SOX6: variants seen among roughly 807,000 people sequenced by gnomAD.
The protein encoded by SOX6 is SRY-box transcription factor 6.
A neutral mutation model predicts 97.8 loss-of-function variants in SOX6; 11 were observed. The observed-to-expected ratio is 0.11, with a 90% CI of 0.07 to 0.19. SOX6 has a LOEUF of 0.19. Ranked by LOEUF, SOX6 falls within the 10% of genes least tolerant of loss-of-function variation. SOX6 has a pLI of 1.00. For synonymous variants in SOX6, 360 were observed against 371.4 expected (o/e 0.97, Z 0.35); for missense variants, 810 against 1,039.5 (o/e 0.78, Z 3.04).
chr11:16,246,200 T>C (rs989564775), intron 3 of SOX6, among the ~76,000 whole-genome samples: 2 of 151,552 alleles, frequency 1.3e-5, no homozygotes, highest in African/African-American at 4.8e-5. Flanking sequence ...TTTGTATTAT[T>C]GCTGTCATAG....
chr11:16,469,006 A>G (rs1257648130), intron 1 of SOX6, among the ~76,000 whole-genome samples: 1 of 152,122 alleles, frequency 6.6e-6, no homozygotes, highest in Non-Finnish European at 1.5e-5. Flanking sequence ...GAAATTACCA[A>G]ATGTGCTGTG....
At chr11:16,372,653 A>G (rs890912508) in intron 1 of SOX6, among the ~76,000 whole-genome samples, 26 of 152,120 alleles carry the variant, frequency 1.7e-4, no homozygotes, top group African/African-American at 6.0e-4. Flanking sequence ...AAGCTAGAAC[A>G]CTGATTTTTC....
At chr11:16,018,187 C>T (rs958713744) in intron 12 of SOX6, among the ~76,000 whole-genome samples, 4 of 152,076 alleles carry the variant, frequency 2.6e-5, no homozygotes, top group African/African-American at 4.8e-5. Context: ...AGCCACAAGA[C>T]GGTAGCATCC....
intron 4 of SOX6, among the ~76,000 whole-genome samples, chr11:16,215,692 C>T (rs1852353400): frequency 6.6e-6 from 1 of 151,888 alleles, no homozygotes; most frequent in South Asian, 2.1e-4. Flanking sequence ...GATCCTCAAA[C>T]CTGAAAAATT....
chr11:16,671,304 T>TGAAATGGCA (rs1847846043), intron 3 of SOX6, among the ~76,000 whole-genome samples: 1 of 152,096 alleles, frequency 6.6e-6, no homozygotes, highest in Non-Finnish European at 1.5e-5. Flanking sequence ...CTGAGCTGGC[T>TGAAATGGCA]GAAATGGCAG....
At chr11:16,251,737 G>A (rs1339391370) in intron 3 of SOX6, among the ~76,000 whole-genome samples, 1 of 151,626 alleles carries the variant, frequency 6.6e-6, no homozygotes, top group Non-Finnish European at 1.5e-5. Context: ...GCCAAATATC[G>A]ACAGGGACAT....
chr11:16,511,963 C>T (rs1369725135), intron 4 of SOX6, among the ~76,000 whole-genome samples: 1 of 152,120 alleles, frequency 6.6e-6, no homozygotes, highest in Non-Finnish European at 1.5e-5. Context: ...AAGAGGAAAG[C>T]AATAAGCATG....
chr11:16,296,989 G>C (rs1807154), intron 3 of SOX6, among the ~76,000 whole-genome samples: 59,101 of 151,600 alleles, frequency 0.39, 11,991 homozygotes, highest in African/African-American at 0.49. Context: ...TTCTCAATAA[G>C]AAGAAGGAAT....
chr11:16,565,794 T>C (rs1411105169), intron 4 of SOX6, among the ~76,000 whole-genome samples: 1 of 147,938 alleles, frequency 6.8e-6, no homozygotes, highest in Non-Finnish European at 1.5e-5. Flanking sequence ...GCAGTAAATA[T>C]CAATTGAAAT....
intron 6 of SOX6, among the ~76,000 whole-genome samples, chr11:16,113,383 C>T (rs1849274355): frequency 6.6e-6 from 1 of 152,190 alleles, no homozygotes; most frequent in Admixed American, 6.5e-5. Flanking sequence ...CTATTTCTTC[C>T]ATTTTAGCTG....
intron 4 of SOX6, 75 bp downstream of exon 4, chr11:16,234,507 G>T: frequency 1.2e-6 from 1 of 848,412 alleles, no homozygotes; most frequent in Non-Finnish European, 1.9e-6. Flanking sequence ...CAGTACAGAA[G>T]ATCAGCAAAT....
At chr11:15,974,529 A>C (rs538570547) in intron 15 of SOX6, among the ~76,000 whole-genome samples, 2 of 133,580 alleles carry the variant, frequency 1.5e-5, no homozygotes, top group Admixed American at 7.3e-5. Context: ...TCCCAATGCT[A>C]TCCCTCCCCC....
chr11:16,523,189 G>C (rs1182093891), intron 4 of SOX6, among the ~76,000 whole-genome samples: 1 of 151,766 alleles, frequency 6.6e-6, no homozygotes, highest in Admixed American at 6.6e-5. Flanking sequence ...TTTTTTTTCA[G>C]CACCACACCA....
rs1353196207 is a variant in SOX6 at position 15,969,281 on chromosome 11, C to T, written c.*3528G>A. 3 of 152,112 alleles carry T rather than the reference C, an allele frequency of 2.0e-5. No individual in the cohort carries two copies. Among genetic ancestry groups the T allele is most frequent in the Non-Finnish European group, 4.4e-5 (3 of 68,020 alleles). The allele number at this position is 152,112 out of a possible 1,614,324, so 9.4% of individuals were successfully genotyped here. ...ACTGACATGACGGGACGTTTATTAA[C>T]GGCCGATCTCAGAGGTGGATTTTTG... is the stretch of plus-strand genomic sequence containing the variant. On this transcript the variant is annotated 3_prime_UTR_variant, in exon 16 of 16. Coordinates refer to ENST00000683767, the MANE Select transcript of SOX6 (RefSeq NM_001367873.1).
chr11:15,979,942 G>A (rs1853610983), intron 15 of SOX6, among the ~76,000 whole-genome samples: 1 of 151,956 alleles, frequency 6.6e-6, no homozygotes, highest in Non-Finnish European at 1.5e-5. Flanking sequence ...TAGAATATAA[G>A]CTTCATGAGA....
At chr11:15,981,525 A>T (rs1853655714) in intron 15 of SOX6, among the ~76,000 whole-genome samples, 1 of 152,062 alleles carries the variant, frequency 6.6e-6, no homozygotes, top group Admixed American at 6.6e-5. Flanking sequence ...TTTCATTAGG[A>T]GATAAGCCTA....
chr11:16,700,188 T>A (rs911667948), intron 3 of SOX6, among the ~76,000 whole-genome samples: 1 of 151,756 alleles, frequency 6.6e-6, no homozygotes, highest in Non-Finnish European at 1.5e-5. Flanking sequence ...AAATTTTGAA[T>A]GAAAATCTGA....
chr11:15,983,265 G>A (rs2119817507), intron 15 of SOX6, among the ~76,000 whole-genome samples: 1 of 152,058 alleles, frequency 6.6e-6, no homozygotes, highest in Non-Finnish European at 1.5e-5. Context: ...ACAACATTCT[G>A]ATACTTACTC....
chr11:16,085,069 C>T (rs1848548979), intron 9 of SOX6, among the ~76,000 whole-genome samples: 1 of 152,162 alleles, frequency 6.6e-6, no homozygotes, highest in Non-Finnish European at 1.5e-5. Context: ...CTCTTGCCTT[C>T]TCTATTGTGT....
Sources: gnomAD v4.1 joint callset for allele counts (sites outside exome capture counted in the v4.1 genomes callset) on GRCh38, gnomAD v4.1.1 for gene constraint, MANE v1.5 for transcripts, NCBI Gene and HGNC (gene_info 2026-07-23, HGNC 2026-07-21) for gene names.